The following EPN1 variants were observed in gnomAD, a reference collection of about 807,000 sequenced individuals.
The protein encoded by EPN1 is epsin 1.
Under a neutral mutation model 56.9 loss-of-function variants are expected in EPN1, and 25 were observed. The observed-to-expected ratio is 0.44, with a 90% CI of 0.32 to 0.61. The LOEUF is 0.61. Ranked by LOEUF, EPN1 falls within the 20% of genes least tolerant of loss-of-function variation. EPN1 has a pLI of 0.05. For missense variants in EPN1, 785 were observed against 823.7 expected (o/e 0.95, Z 0.58); for synonymous variants, 411 against 361.8 (o/e 1.14, Z -1.54).
rs1353246032 is a variant in EPN1 at position 55,708,231 on chromosome 19, A to C, written c.*12875A>C. 1 of 152,196 alleles carries C rather than the reference A, an allele frequency of 6.6e-6. No individual in the cohort carries two copies. Among genetic ancestry groups the C allele is most frequent in the African/African-American group, 2.4e-5 (1 of 41,448 alleles). 9.4% of individuals were successfully genotyped at this position (152,196 alleles called of 1,614,324 possible). On this transcript the variant is annotated 3_prime_UTR_variant, in exon 11 of 11. Coordinates refer to ENST00000270460, the MANE Select transcript of EPN1 (RefSeq NM_001130072.2). ...GATTATATAATCCAATTTCTGCATC[A>C]TCTTGCTTTTATGTTTTGTAATAAA...
Position 55,708,968 on chromosome 19 carries a change from T to A in EPN1, c.*13612T>A. 6.3e-7 allele frequency: 1 copy of A among 1,591,214 alleles called. No homozygotes were observed. The highest frequency in any genetic ancestry group is 1.2e-5 in the South Asian group (1 of 86,262). ...TCGTCAATCCAAGGTCCATGTGAAA[T>A]GGTCAGATGGGGAATTTTTTCTTCC... On this transcript the variant is annotated 3_prime_UTR_variant, in exon 11 of 11. Coordinates refer to ENST00000270460, the MANE Select transcript of EPN1 (RefSeq NM_001130072.2).
Position 55,685,481 on chromosome 19 carries a change from C to T in EPN1, c.314C>T (p.Thr105Met), listed in dbSNP as rs1169691224. Residue 105 changes from threonine (T) to methionine (M), a missense_variant, in exon 3 of 11, where the codon ACG (threonine) becomes ATG (methionine). Around this residue, in one of 2 missense-constraint regions of EPN1, gnomAD observed 135 missense variants for 218.7 expected, o/e 0.62. Transcript: ENST00000270460. ...AAGGAGAACATGTACGCCGTGCAGA[C>T]GCTGAAGGACTTCCAGTACGTGGAC... ...QCKENMYAVQ[T>M]LKDFQYVDRD... 14 of 1,612,454 alleles carry T rather than the reference C, an allele frequency of 8.7e-6. No individual in the cohort carries two copies. The highest frequency in any genetic ancestry group is 2.2e-5 in the East Asian group (1 of 44,838).
At chr19:55,677,198 C>T (rs896437610) in intron 1 of EPN1, 2 of 1,529,836 alleles carry the variant, frequency 1.3e-6, no homozygotes, top group Non-Finnish European at 1.8e-6. Context: ...GGCTCTGGAA[C>T]CAGGCTGCTC....
chr19:55,687,795 A>G (rs1986265954), intron 3 of EPN1, among the ~76,000 whole-genome samples: 1 of 152,006 alleles, frequency 6.6e-6, no homozygotes, highest in Non-Finnish European at 1.5e-5. Flanking sequence ...TCTGCCACCC[A>G]CATGCTCCCT....
At position 55,677,190 on chromosome 19, in the gene EPN1, C is replaced by T. The variant is rs753951669; in HGVS notation, c.-101-1337C>T. 3 of 1,548,294 alleles carry T rather than the reference C, an allele frequency of 1.9e-6. No homozygotes were observed. The South Asian group carries it at 3.6e-5, about 18-fold the overall frequency. On this transcript the variant is annotated intron_variant, in intron 1 of 10. Coordinates refer to ENST00000270460, the MANE Select transcript of EPN1 (RefSeq NM_001130072.2). ...CGCATAGATGGGTGATCAGAGCTGG[C>T]TCTGGAACCAGGCTGCTCCAGGAGT...
Position 55,706,111 on chromosome 19 carries a change from G to A in EPN1, c.*10755G>A. ...TAGTTTTTCCAGATTCTCTGCATGT[G>A]CAGGTTTATGAGACTGGAGAACTTT... is the stretch of plus-strand genomic sequence containing the variant. On this transcript the variant is annotated 3_prime_UTR_variant, in exon 11 of 11. Transcript: ENST00000270460. The A allele has an allele frequency of 4.1e-6, 1 of 243,534 alleles. No homozygotes were observed. Among genetic ancestry groups the A allele is most frequent in the Admixed American group, 4.8e-5 (1 of 20,996 alleles). 15.1% of individuals were successfully genotyped at this position (243,534 alleles called of 1,614,324 possible).
Position 55,685,658 on chromosome 19 carries a change from C to G in EPN1, c.478+13C>G, listed in dbSNP as rs749284358. The stretch of plus-strand genomic sequence containing the variant: ...CAGACCGCCACGGGTGAGTCCCTCC[C>G]TGCGGCCCCTGACGGCCTAGAGTCT... On this transcript the variant is annotated intron_variant, in intron 3 of 10. Transcript: ENST00000270460. 1.4e-5 allele frequency: 22 copies of G among 1,582,778 alleles called. No individual in the cohort carries two copies. Among genetic ancestry groups the G allele is most frequent in the Non-Finnish European group, 1.8e-5 (21 of 1,167,810 alleles).
rs145094539 is a variant in EPN1 at position 55,691,078 on chromosome 19, G to A, written c.763-676G>A. The stretch of plus-strand genomic sequence containing the variant: ...TGGGGGCATCTGCACGTTCTGAGAC[G>A]GGCTCTGGTTAGCTGGGCCCGTCGT... On this transcript the variant is annotated intron_variant, in intron 6 of 10. Coordinates refer to ENST00000270460, the MANE Select transcript of EPN1 (RefSeq NM_001130072.2). This position sits in a 1 kb window ranked among gnomAD's most constrained non-coding sequence, Gnocchi z 5.6. Among the ~76,000 whole-genome samples, 828 of 152,298 alleles carry A rather than the reference G, an allele frequency of 5.4e-3. 11 individuals are homozygous for A. The highest frequency in any genetic ancestry group is 0.019 in the African/African-American group (792 of 41,550).
At position 55,698,658 on chromosome 19, in the gene EPN1, C is replaced by A. The variant is rs1987004039; in HGVS notation, c.*3302C>A. ...AGTCCTGCCTTGATCTTTTTTTATACTGAAACTCAATTTTACACACACAAA... is the reference window on the plus strand; with the variant it reads ...AGTCCTGCCTTGATCTTTTTTTATAATGAAACTCAATTTTACACACACAAA... On this transcript the variant is annotated 3_prime_UTR_variant, in exon 11 of 11. Transcript: ENST00000270460. The A allele has an allele frequency of 6.6e-6, 1 of 152,336 alleles. No individual in the cohort carries two copies. The highest frequency in any genetic ancestry group is 6.5e-5 in the Admixed American group (1 of 15,278). The allele number at this position is 152,336 out of a possible 1,614,324, so 9.4% of individuals were successfully genotyped here. A position where few individuals can be genotyped will look rare whatever the true frequency, so the allele number is the denominator to read the frequency against.
chr19:55,685,037 G>C (rs1326719302), intron 2 of EPN1, among the ~76,000 whole-genome samples: 1 of 152,214 alleles, frequency 6.6e-6, no homozygotes, highest in African/African-American at 2.4e-5. Flanking sequence ...TAGCCTTCAG[G>C]TGGTCCCTCT....
At position 55,706,836 on chromosome 19, in the gene EPN1, C is replaced by T. The variant is rs1170743432; in HGVS notation, c.*11480C>T. 6 of 151,718 alleles carry T rather than the reference C, an allele frequency of 4.0e-5. No individual in the cohort carries two copies. The highest frequency in any genetic ancestry group is 1.5e-4 in the African/African-American group (6 of 41,328). The allele number at this position is 151,718 out of a possible 1,614,324, so 9.4% of individuals were successfully genotyped here. On this transcript the variant is annotated 3_prime_UTR_variant, in exon 11 of 11. Transcript: ENST00000270460. ...GGAGGATCACTTGAAGCCAGGAGTACCAGACCAGCCTGGGAAACATAGTGA... is the reference window on the plus strand; with the variant it reads ...GGAGGATCACTTGAAGCCAGGAGTATCAGACCAGCCTGGGAAACATAGTGA...
At position 55,701,301 on chromosome 19, in the gene EPN1, T is replaced by C. The variant is rs1202075768; in HGVS notation, c.*5945T>C. ...CCGTCTCTACTAAAAATACAAAAAT[T>C]AGCCTAGTGTGGTGGCGGGCACCTG... On this transcript the variant is annotated 3_prime_UTR_variant, in exon 11 of 11. Coordinates refer to ENST00000270460, the MANE Select transcript of EPN1 (RefSeq NM_001130072.2). 3 of 151,972 alleles carry C rather than the reference T, an allele frequency of 2.0e-5. No individual in the cohort carries two copies. In the East Asian group the frequency reaches 5.8e-4, roughly 29 times the overall value. 9.4% of individuals were successfully genotyped at this position (151,972 alleles called of 1,614,324 possible).
Position 55,689,383 on chromosome 19 carries a change from C to T in EPN1, c.678+12C>T. The T allele has an allele frequency of 6.5e-7, 1 of 1,549,500 alleles. No individual in the cohort carries two copies. The highest frequency in any genetic ancestry group is 8.7e-7 in the Non-Finnish European group (1 of 1,145,080). ...AAGAGCATGATAAGGTCAGAGCAGC[C>T]TCCCTGTCCCTGCCCCTGCCAGGGG... On this transcript the variant is annotated intron_variant, in intron 5 of 10. Coordinates refer to ENST00000270460, the MANE Select transcript of EPN1 (RefSeq NM_001130072.2). This position sits in a 1 kb window ranked among gnomAD's most constrained non-coding sequence, Gnocchi z 5.7.
rs1986959803 is a variant in EPN1, at chr19:55,697,576, G to T, written c.*2220G>T. On this transcript the variant is annotated 3_prime_UTR_variant, in exon 11 of 11. Transcript: ENST00000270460. ...CAGAGAAGACAGGATTGAAAAACAA[G>T]ACAAAAACCCAGAGGCTTGCACATA... 1 of 152,154 alleles carries T rather than the reference G, an allele frequency of 6.6e-6. No individual in the cohort carries two copies. The highest frequency in any genetic ancestry group is 2.1e-4 in the South Asian group (1 of 4,824). 9.4% of individuals were successfully genotyped at this position (152,154 alleles called of 1,614,324 possible). A position where few individuals can be genotyped will look rare whatever the true frequency, so the allele number is the denominator to read the frequency against.
chr19:55,686,561 C>T (rs1646859336), intron 3 of EPN1, among the ~76,000 whole-genome samples: 1 of 152,022 alleles, frequency 6.6e-6, no homozygotes, highest in Non-Finnish European at 1.5e-5. Context: ...GAAGTCTAGG[C>T]CTTCTGTTTG....
At chr19:55,683,753 T>C (rs746480559) in intron 2 of EPN1, among the ~76,000 whole-genome samples, 23 of 152,252 alleles carry the variant, frequency 1.5e-4, no homozygotes, top group Non-Finnish European at 2.9e-4. Context: ...CACTATTTCC[T>C]GCTTCACAAT....
Position 55,697,388 on chromosome 19 carries a change from C to T in EPN1, c.*2032C>T, listed in dbSNP as rs1444921933. The T allele has an allele frequency of 6.6e-6, 1 of 152,190 alleles. No individual in the cohort carries two copies. Among genetic ancestry groups the T allele is most frequent in the Admixed American group, 6.5e-5 (1 of 15,276 alleles). The allele number at this position is 152,190 out of a possible 1,614,324, so 9.4% of individuals were successfully genotyped here. On this transcript the variant is annotated 3_prime_UTR_variant, in exon 11 of 11. Transcript: ENST00000270460. ...CTCACTTGTCAGACCCTCCATTCAC[C>T]AAATTAAGGATAAGTTTCACGATTT... is the stretch of plus-strand genomic sequence containing the variant.
Position 55,707,501 on chromosome 19 carries a change from G to C in EPN1, c.*12145G>C, listed in dbSNP as rs148229931. Reference sequence around the variant, plus strand: ...AGGAAAGACCAAAATAACTTTCCAAGATGAAAAGCTAAGAGTGCTGATCTC... The same window carrying C: ...AGGAAAGACCAAAATAACTTTCCAACATGAAAAGCTAAGAGTGCTGATCTC... On this transcript the variant is annotated 3_prime_UTR_variant, in exon 11 of 11. Coordinates refer to ENST00000270460, the MANE Select transcript of EPN1 (RefSeq NM_001130072.2). The C allele has an allele frequency of 2.6e-5, 4 of 153,232 alleles. No homozygotes were observed. Among genetic ancestry groups the C allele is most frequent in the African/African-American group, 9.6e-5 (4 of 41,594 alleles). 9.5% of individuals were successfully genotyped at this position (153,232 alleles called of 1,614,324 possible). A position where few individuals can be genotyped will look rare whatever the true frequency, so the allele number is the denominator to read the frequency against.
rs11667416 is a variant in EPN1 at position 55,676,815 on chromosome 19, C to T, written c.-102+1380C>T. The stretch of plus-strand genomic sequence containing the variant: ...CTTTCTTCCTTGGCCTCCTGCCTCC[C>T]TGTCTTCCCATGTTCTTGTATCTGC... On this transcript the variant is annotated intron_variant, in intron 1 of 10. Coordinates refer to ENST00000270460, the MANE Select transcript of EPN1 (RefSeq NM_001130072.2). 749 of 182,052 alleles carry T rather than the reference C, an allele frequency of 4.1e-3. 4 individuals carry two copies. The highest frequency in any genetic ancestry group is 5.6e-3 in the Admixed American group (91 of 16,378). The allele number at this position is 182,052 out of a possible 1,614,324, so 11.3% of individuals were successfully genotyped here. A position where few individuals can be genotyped will look rare whatever the true frequency, so the allele number is the denominator to read the frequency against.
Sources: gnomAD v4.1 joint callset for allele counts (sites outside exome capture counted in the v4.1 genomes callset) on GRCh38, gnomAD v4.1.1 for gene constraint, gnomAD v4.1.1 regional missense constraint, Gnocchi (gnomAD v3.1) non-coding constraint, MANE v1.5 for transcripts, NCBI Gene and HGNC (gene_info 2026-07-23, HGNC 2026-07-21) for gene names.